SLC25A13: variants seen among roughly 807,000 people sequenced by gnomAD.
The protein encoded by SLC25A13 is solute carrier family 25 member 13, also known as electrogenic aspartate/glutamate antiporter SLC25A13, mitochondrial.
In SLC25A13, 70 loss-of-function variants were observed where a neutral mutation model predicts 85.5. The ratio of observed to expected loss-of-function variants is 0.82; its 90% CI spans 0.68 to 1.00. SLC25A13 has a LOEUF of 1.00. Among genes scored for constraint, SLC25A13 ranks in the 50% least tolerant of loss-of-function variants. The pLI is 0.00. For synonymous variants in SLC25A13, 259 were observed against 288.7 expected, an observed-to-expected ratio of 0.90 and a Z score of 1.04; for missense variants, 765 against 819.8, an observed-to-expected ratio of 0.93 and a Z score of 0.82.
At chr7:96,262,356 C>T (rs776178250) in intron 3 of SLC25A13, among the ~76,000 whole-genome samples, 14 of 152,184 alleles carry the variant, frequency 9.2e-5, no homozygotes, top group Non-Finnish European at 2.1e-4. Context: ...CAGGCATTCA[C>T]TAAGCAGCAT....
intron 3 of SLC25A13, among the ~76,000 whole-genome samples, chr7:96,265,880 A>G (rs1189003234): frequency 1.3e-5 from 2 of 152,184 alleles, no homozygotes; most frequent in Non-Finnish European, 2.9e-5. Flanking sequence ...TTTCTCCTTC[A>G]TAGATGGTGC....
intron 3 of SLC25A13, among the ~76,000 whole-genome samples, chr7:96,268,042 C>CT (rs1459710099): frequency 6.6e-6 from 1 of 152,028 alleles, no homozygotes; most frequent in Middle Eastern, 3.2e-3. Flanking sequence ...CCTAGCAAGC[C>CT]AACTGGATCC....
intron 13 of SLC25A13, among the ~76,000 whole-genome samples, chr7:96,155,128 G>C (rs1482620452): frequency 1.3e-5 from 2 of 152,046 alleles, no homozygotes; most frequent in African/African-American, 4.8e-5. Context: ...GCTTCCCAGA[G>C]GTCTCATCTT....
chr7:96,151,789 A>G (rs1296056854), intron 13 of SLC25A13, among the ~76,000 whole-genome samples: 1 of 148,754 alleles, frequency 6.7e-6, no homozygotes, highest in East Asian at 2.0e-4. Context: ...CTAAAAATAC[A>G]AAAAAATTAG....
At chr7:96,252,219 T>C (rs1402681391) in intron 3 of SLC25A13, among the ~76,000 whole-genome samples, 1 of 152,178 alleles carries the variant, frequency 6.6e-6, no homozygotes, top group African/African-American at 2.4e-5. Flanking sequence ...CAGTTGCTGC[T>C]ACTGTCACCT....
At chr7:96,273,971 G>T (rs1416809650) in intron 3 of SLC25A13, among the ~76,000 whole-genome samples, 1 of 152,096 alleles carries the variant, frequency 6.6e-6, no homozygotes, top group African/African-American at 2.4e-5. Flanking sequence ...GCCTTTTCCT[G>T]CACCACCCTG....
At chr7:96,248,838 G>A (rs1335662746) in intron 3 of SLC25A13, among the ~76,000 whole-genome samples, 1 of 152,144 alleles carries the variant, frequency 6.6e-6, no homozygotes, top group East Asian at 1.9e-4. Context: ...GCTATCAGGA[G>A]AAATTAAATT....
chr7:96,164,185 G>A (rs559376800), intron 13 of SLC25A13, among the ~76,000 whole-genome samples: 92 of 152,302 alleles, frequency 6.0e-4, no homozygotes, highest in African/African-American at 2.2e-3. Context: ...AACTGGGCCT[G>A]AGATTTTTCT....
At position 96,153,269 on chromosome 7, in the gene SLC25A13, C is replaced by G. The variant is rs532079009; in HGVS notation, c.1312-6573G>C. ...AACAGAATCGAATTTGGCACAAGAA[C>G]AACTAAAGTTCTGATGCATAAACCA... is the stretch of plus-strand genomic sequence containing the variant. On this transcript the variant is annotated intron_variant, in intron 13 of 17. Coordinates refer to ENST00000265631, the MANE Select transcript of SLC25A13 (RefSeq NM_014251.3). Among the ~76,000 whole-genome samples the G allele has an allele frequency of 6.6e-5, 10 of 152,294 alleles. No homozygotes were observed. The South Asian group carries it at 1.9e-3, about 28-fold the overall frequency.
intron 13 of SLC25A13, among the ~76,000 whole-genome samples, chr7:96,159,792 T>C (rs1166119349): frequency 6.6e-6 from 1 of 152,208 alleles, no homozygotes; most frequent in African/African-American, 2.4e-5. Flanking sequence ...AAATTCTTAC[T>C]CTAATTGGAT....
intron 2 of SLC25A13, among the ~76,000 whole-genome samples, chr7:96,280,499 T>C (rs995335368): frequency 6.6e-6 from 1 of 152,088 alleles, no homozygotes; most frequent in Non-Finnish European, 1.5e-5. Context: ...GCAGATCGCT[T>C]GAGCCCAGGA....
intron 1 of SLC25A13, among the ~76,000 whole-genome samples, chr7:96,311,252 G>A (rs73710277): frequency 0.014 from 2,057 of 152,188 alleles, 43 homozygotes; most frequent in African/African-American, 0.047. Flanking sequence ...TGACCAAAAC[G>A]TAACATCACA....
Position 96,131,790 on chromosome 7 carries a change from T to A in SLC25A13, c.1544A>T (p.Asp515Val), listed in dbSNP as rs766827198. 11 of 1,613,966 alleles carry A rather than the reference T, an allele frequency of 6.8e-6. No homozygotes were observed. The African/African-American group carries it at 1.3e-4, about 20-fold the overall frequency. Residue 515 changes from aspartate (D) to valine (V), a missense_variant, in exon 15 of 18, where the codon GAT becomes GTT. Transcript: ENST00000265631. ...CAGGCTTCCTGGGCTAACCTGCCCA[T>A]CTTCATTTGCAAAGGAAGCCTTCAC... ...AHVKASFANEDGQVSPGSLLL... is the reference protein window; with the variant it reads ...AHVKASFANEVGQVSPGSLLL...
At position 96,188,160 on chromosome 7, in the gene SLC25A13, C is replaced by T. The variant is rs150484157; in HGVS notation, c.933+1134G>A. Reference sequence around the variant, plus strand: ...GACGAAGAGATAATCATCTCCTAAGCAGTGTTAAAAATCAAAGGGAAGGGA... The same window carrying T: ...GACGAAGAGATAATCATCTCCTAAGTAGTGTTAAAAATCAAAGGGAAGGGA... On this transcript the variant is annotated intron_variant, in intron 9 of 17. Coordinates refer to ENST00000265631, the MANE Select transcript of SLC25A13 (RefSeq NM_014251.3). Among the ~76,000 whole-genome samples, 528 of 152,286 alleles carry T rather than the reference C, an allele frequency of 3.5e-3. 4 individuals carry two copies. The highest frequency in any genetic ancestry group is 7.5e-3 in the Admixed American group (114 of 15,298).
At chr7:96,220,620 A>G (rs1193067475) in intron 4 of SLC25A13, among the ~76,000 whole-genome samples, 2 of 152,172 alleles carry the variant, frequency 1.3e-5, no homozygotes, top group African/African-American at 2.4e-5. Context: ...TAATTTTCCT[A>G]TCTTTAAATA....
intron 3 of SLC25A13, among the ~76,000 whole-genome samples, chr7:96,268,006 A>C (rs546749178): frequency 3.5e-4 from 54 of 152,200 alleles, no homozygotes; most frequent in African/African-American, 1.3e-3. Context: ...GATGAAAGAC[A>C]TATGTGTGGT....
intron 3 of SLC25A13, among the ~76,000 whole-genome samples, chr7:96,240,558 T>G (rs892638314): frequency 2.0e-5 from 3 of 151,926 alleles, no homozygotes; most frequent in African/African-American, 7.3e-5. Context: ...GAAATCCATA[T>G]TTGCTGGAGG....
intron 3 of SLC25A13, among the ~76,000 whole-genome samples, chr7:96,271,232 T>C (rs185439352): frequency 4.2e-4 from 64 of 152,330 alleles, no homozygotes; most frequent in African/African-American, 1.4e-3. Context: ...TGCTTCTTAG[T>C]ACACTTAACT....
intron 3 of SLC25A13, among the ~76,000 whole-genome samples, chr7:96,254,322 A>T (rs1797543487): frequency 1.3e-5 from 2 of 152,132 alleles, no homozygotes; most frequent in Admixed American, 1.3e-4. Flanking sequence ...TTAGAGCTGG[A>T]ACATGGATCT....
Sources: allele counts gnomAD v4.1 joint callset (sites outside exome capture counted in the v4.1 genomes callset), GRCh38; gene constraint gnomAD v4.1.1; transcripts MANE v1.5; gene names NCBI Gene and HGNC (gene_info 2026-07-23, HGNC 2026-07-21).